CD52: variants seen among roughly 807,000 people sequenced by gnomAD.
CD52 encodes the protein CD52 molecule.
In CD52, 2 loss-of-function variants were observed where a neutral mutation model predicts 2.5. That is an observed-to-expected ratio of 0.79 (90% confidence interval 0.32 to 2.48). The LOEUF is 2.48. Among genes scored for constraint, CD52 ranks in the 30% most tolerant of loss-of-function variants. The pLI, the probability that CD52 is intolerant of heterozygous loss-of-function variation, is 0.11. For missense variants in CD52, 62 were observed against 75.8 expected, an observed-to-expected ratio of 0.82 and a Z score of 0.68; for synonymous variants, 24 against 27.7, an observed-to-expected ratio of 0.87 and a Z score of 0.42.
At chr1:26,318,264 C>G in intron 1 of CD52, 193 bp downstream of exon 1, 1 of 588,274 alleles carries the variant, frequency 1.7e-6, no homozygotes, top group Admixed American at 3.0e-5. Flanking sequence ...TGGGGCTGCA[C>G]TGCTTGCGGG....
At position 26,320,190 on chromosome 1, in the gene CD52, G is replaced by A. The variant is rs150540528; in HGVS notation, c.74G>A (p.Gly25Glu). The change falls in exon 2 of 2, where the codon GGA becomes GAA. Residue 25 changes from glycine to glutamate, a missense_variant. Transcript: ENST00000374213. ...VMVQIQTGLSGQNDTSQTSSP... is the reference protein window; with the variant it reads ...VMVQIQTGLSEQNDTSQTSSP... ...CTACAGATACAAACTGGACTCTCAG[G>A]ACAAAACGACACCAGCCAAACCAGC... 132 of 1,613,368 alleles carry A rather than the reference G, an allele frequency of 8.2e-5. No homozygotes were observed. The African/African-American group carries it at 1.5e-3, about 18-fold the overall frequency.
intron 1 of CD52, among the ~76,000 whole-genome samples, chr1:26,319,169 C>T (rs116845301): frequency 0.014 from 2,167 of 152,042 alleles, 93 homozygotes; most frequent in East Asian, 0.13. Context: ...ATTAGCTGGG[C>T]GAGCCGGGCG....
chr1:26,320,348 C>G lies in CD52; in HGVS notation c.*46C>G. 6.4e-7 allele frequency: 1 copy of G among 1,567,772 alleles called. No individual in the cohort carries two copies. The highest frequency in any genetic ancestry group is 8.6e-7 in the Non-Finnish European group (1 of 1,160,434). ...GCCCTGTGCCCCCTGAAACAGCTGCCACCATCACTCGCAAGAGAATCCCCT... is the reference window on the plus strand; with the variant it reads ...GCCCTGTGCCCCCTGAAACAGCTGCGACCATCACTCGCAAGAGAATCCCCT... On this transcript the variant is annotated 3_prime_UTR_variant, in exon 2 of 2. Coordinates refer to ENST00000374213, the MANE Select transcript of CD52 (RefSeq NM_001803.3).
rs2073842924 is a variant in CD52 at position 26,320,490 on chromosome 1, G to GC, written c.*189dup. 3 of 658,300 alleles carry GC rather than the reference G, an allele frequency of 4.6e-6. No individual in the cohort carries two copies. The highest frequency in any genetic ancestry group is 7.4e-6 in the Non-Finnish European group (3 of 404,258). The allele number at this position is 658,300 out of a possible 1,614,324, so 40.8% of individuals were successfully genotyped here. A position where few individuals can be genotyped will look rare whatever the true frequency, so the allele number is the denominator to read the frequency against. On this transcript the variant is annotated 3_prime_UTR_variant, in exon 2 of 2. Coordinates refer to ENST00000374213, the MANE Select transcript of CD52 (RefSeq NM_001803.3). ...TGATGTAGGGGCCAAGCAGTGCCCA[G>GC]CTGGGGGTCAATAAAGTTACCCTTG...
At chr1:26,320,118 T>G in intron 1 of CD52, 53 bp from the exon 2 acceptor site, 3 of 1,489,940 alleles carry the variant, frequency 2.0e-6, no homozygotes, top group South Asian at 2.4e-5. Flanking sequence ...AGACTCCACC[T>G]CTAAAAAAAA....
At position 26,320,235 on chromosome 1, in the gene CD52, A is replaced by G. The variant is rs1071849; in HGVS notation, c.119A>G (p.Asn40Ser). The change falls in exon 2 of 2, where the codon AAC (asparagine) becomes AGC (serine). Residue 40 changes from asparagine to serine, a missense_variant. Physicochemically the swap from Asn to Ser is conservative, Grantham distance 46. Coordinates refer to ENST00000374213, the MANE Select transcript of CD52 (RefSeq NM_001803.3). ...SQTSSPSASS[N>S]ISGGIFLFFV... ...ACCAGCAGCCCCTCAGCATCCAGCA[A>G]CATAAGCGGAGGCATTTTCCTTTTC... 1,167,023 of 1,612,364 alleles carry G rather than the reference A, an allele frequency of 0.72. 428,107 individuals carry two copies. Among genetic ancestry groups the G allele is most frequent in the Non-Finnish European group, 0.76 (897,035 of 1,179,450 alleles).
intron 1 of CD52, chr1:26,318,636 C>G (rs2073821691): frequency 6.5e-6 from 1 of 153,098 alleles, no homozygotes; most frequent in South Asian, 2.0e-4. Flanking sequence ...TTGGTAGCAT[C>G]CCAGGTGCCC....
At chr1:26,319,935 C>G (rs1226860605) in intron 1 of CD52, among the ~76,000 whole-genome samples, 1 of 151,968 alleles carries the variant, frequency 6.6e-6, no homozygotes, top group Non-Finnish European at 1.5e-5. Flanking sequence ...GCCTGACCAA[C>G]ATGGTGAAAC....
Position 26,320,366 on chromosome 1 carries a change from A to T in CD52, c.*64A>T. The T allele has an allele frequency of 6.5e-7, 1 of 1,546,720 alleles. No homozygotes were observed. Among genetic ancestry groups the T allele is most frequent in the Non-Finnish European group, 8.7e-7 (1 of 1,149,372 alleles). ...CAGCTGCCACCATCACTCGCAAGAGAATCCCCTCCATCTTTGGGAGGGGTT... is the reference window on the plus strand; with the variant it reads ...CAGCTGCCACCATCACTCGCAAGAGTATCCCCTCCATCTTTGGGAGGGGTT... On this transcript the variant is annotated 3_prime_UTR_variant, in exon 2 of 2. Coordinates refer to ENST00000374213, the MANE Select transcript of CD52 (RefSeq NM_001803.3).
intron 1 of CD52, among the ~76,000 whole-genome samples, chr1:26,319,442 G>A (rs1186093833): frequency 4.2e-5 from 6 of 141,724 alleles, no homozygotes; most frequent in Non-Finnish European, 9.1e-5. Flanking sequence ...CTGGGCGGGC[G>A]ACAGAGCAAG....
intron 1 of CD52, chr1:26,318,293 GT>G: frequency 1.8e-6 from 1 of 549,380 alleles, no homozygotes; most frequent in South Asian, 2.3e-5. Context: ...AGAGAAACCT[GT>G]ATCCACAGCT....
chr1:26,319,530 A>AG (rs1212269520), intron 1 of CD52, among the ~76,000 whole-genome samples: 2 of 150,322 alleles, frequency 1.3e-5, no homozygotes, highest in African/African-American at 4.9e-5. Flanking sequence ...CGGGAGGTTG[A>AG]GGGGTGGAGG....
chr1:26,320,396 C>G lies in CD52; in HGVS notation c.*94C>G. On this transcript the variant is annotated 3_prime_UTR_variant, in exon 2 of 2. Transcript: ENST00000374213. ...CCTCCATCTTTGGGAGGGGTTGATG[C>G]CAGACATCACCAGGTTGTAGAAGTT... 1 of 1,454,652 alleles carries G rather than the reference C, an allele frequency of 6.9e-7. No homozygotes were observed. 90.1% of individuals were successfully genotyped at this position (1,454,652 alleles called of 1,614,324 possible). A position where few individuals can be genotyped will look rare whatever the true frequency, so the allele number is the denominator to read the frequency against.
At chr1:26,318,199 C>A in intron 1 of CD52, 128 bp downstream of exon 1, 1 of 804,520 alleles carries the variant, frequency 1.2e-6, no homozygotes, top group South Asian at 1.5e-5. Flanking sequence ...TGGACTCCAA[C>A]AGGAAAACTG....
At chr1:26,319,576 C>G (rs1389898784) in intron 1 of CD52, among the ~76,000 whole-genome samples, 1 of 151,900 alleles carries the variant, frequency 6.6e-6, no homozygotes, top group Non-Finnish European at 1.5e-5. Context: ...TTCACTCCAG[C>G]CTGGGCAAAA....
intron 1 of CD52, chr1:26,318,907 C>A (rs993194687): frequency 2.0e-5 from 3 of 152,418 alleles, no homozygotes; most frequent in African/African-American, 7.2e-5. Flanking sequence ...GAAGATGAAA[C>A]TGAGGCTCAG....
At chr1:26,319,427 C>G (rs2073829541) in intron 1 of CD52, among the ~76,000 whole-genome samples, 1 of 150,678 alleles carries the variant, frequency 6.6e-6, no homozygotes, top group Admixed American at 6.6e-5. Flanking sequence ...CCACTGCACT[C>G]CAGCCTGGGC....
Position 26,320,279 on chromosome 1 carries a change from A to C in CD52, c.163A>C (p.Ile55Leu), listed in dbSNP as rs1378445603. The change falls in exon 2 of 2, where the codon ATC (isoleucine) becomes CTC (leucine). Residue 55 changes from isoleucine (I) to leucine (L), a missense_variant. By Grantham distance (5) the Ile-to-Leu change is conservative. Transcript: ENST00000374213. Reference protein sequence around the residue: ...IFLFFVANAIIHLFCFS With the variant: ...IFLFFVANAILHLFCFS ...CCTTTTCTTCGTGGCCAATGCCATA[A>C]TCCACCTCTTCTGCTTCAGTTGAGG... is the stretch of plus-strand genomic sequence containing the variant. The C allele has an allele frequency of 6.2e-7, 1 of 1,613,304 alleles. No homozygotes were observed. Among genetic ancestry groups the C allele is most frequent in the Non-Finnish European group, 8.5e-7 (1 of 1,179,776 alleles).
rs1351293343 is a variant in CD52 at position 26,320,417 on chromosome 1, A to T, written c.*115A>T. The T allele has an allele frequency of 2.6e-5, 36 of 1,403,408 alleles. No individual in the cohort carries two copies. The highest frequency in any genetic ancestry group is 3.4e-5 in the Non-Finnish European group (36 of 1,044,782). The allele number at this position is 1,403,408 out of a possible 1,614,324, so 86.9% of individuals were successfully genotyped here. On this transcript the variant is annotated 3_prime_UTR_variant, in exon 2 of 2. Transcript: ENST00000374213. ...GATGCCAGACATCACCAGGTTGTAG[A>T]AGTTGACAGGCAGTGCCATGGGGGC...
Sources: gnomAD v4.1 joint callset for allele counts (sites outside exome capture counted in the v4.1 genomes callset) on GRCh38, gnomAD v4.1.1 for gene constraint, MANE v1.5 for transcripts, NCBI Gene and HGNC (gene_info 2026-07-23, HGNC 2026-07-21) for gene names.